The following NSD3 variants were observed in gnomAD, a reference collection of about 807,000 sequenced individuals.
NSD3 encodes histone-lysine N-methyltransferase NSD3.
NSD3 carries 24 observed loss-of-function variants against 160.8 expected under a neutral mutation model. That is an observed-to-expected ratio of 0.15 (90% CI 0.11 to 0.21). The LOEUF is 0.21. Among genes scored for constraint, NSD3 ranks in the 10% least tolerant of loss-of-function variants. NSD3 has a pLI of 1.00. For synonymous variants in NSD3, 520 were observed against 600.0 expected (o/e 0.87, Z 1.95); for missense variants, 1,157 against 1,735.9 (o/e 0.67, Z 5.93).
In NSD3 at chr8:38,274,717, A is replaced by C. The variant is rs894853303; in HGVS notation, c.*924T>G. The stretch of plus-strand genomic sequence containing the variant: ...AATTAAGACCAGGGTCTACAATAAA[A>C]TTGGACAGAAAATGGTGCTTATATG... On this transcript the variant is annotated 3_prime_UTR_variant, in exon 24 of 24. Coordinates refer to ENST00000317025, the MANE Select transcript of NSD3 (RefSeq NM_023034.2). 1 of 154,216 alleles carries C rather than the reference A, an allele frequency of 6.5e-6. No individual in the cohort carries two copies. The highest frequency in any genetic ancestry group is 2.4e-5 in the African/African-American group (1 of 41,516). The allele number at this position is 154,216 out of a possible 1,614,324, so 9.6% of individuals were successfully genotyped here.
rs1189386262 is a variant in NSD3, at chr8:38,312,896, T to G, written c.2242+1751A>C. Among the ~76,000 whole-genome samples, 5 of 152,166 alleles carry G rather than the reference T, an allele frequency of 3.3e-5. No homozygotes were observed. The East Asian group carries it at 9.6e-4, about 29-fold the overall frequency. ...TGCAAGAAGTCCCTAATACAATACTTGAATGCTTAAAGGGGCCAGGCAGCA... is the reference window on the plus strand; with the variant it reads ...TGCAAGAAGTCCCTAATACAATACTGGAATGCTTAAAGGGGCCAGGCAGCA... On this transcript the variant is annotated intron_variant, in intron 12 of 23. Coordinates refer to ENST00000317025, the MANE Select transcript of NSD3 (RefSeq NM_023034.2).
intron 12 of NSD3, among the ~76,000 whole-genome samples, chr8:38,309,425 G>A (rs533987891): frequency 2.0e-5 from 3 of 152,232 alleles, no homozygotes; most frequent in Admixed American, 6.5e-5. Flanking sequence ...CTGAGATTGC[G>A]CCACTGCACT....
Position 38,299,485 on chromosome 8 carries a change from A to G in NSD3, c.2717T>C (p.Met906Thr), listed in dbSNP as rs751679915. ...TTTGGAAGCTGACGAAGAAGGAATCATAGGTAATTTCATCAACTCAGCACG... is the reference window on the plus strand; with the variant it reads ...TTTGGAAGCTGACGAAGAAGGAATCGTAGGTAATTTCATCAACTCAGCACG... The part of the protein sequence containing the change: ...SNRAELMKLP[M>T]IPSSSASKKK... Residue 906 changes from methionine to threonine, a missense_variant, in exon 15 of 24, where the codon ATG becomes ACG. Met to Thr is a moderately conservative substitution (Grantham distance 81). Coordinates refer to ENST00000317025, the MANE Select transcript of NSD3 (RefSeq NM_023034.2). The G allele has an allele frequency of 1.2e-6, 2 of 1,613,842 alleles. No individual in the cohort carries two copies. Among genetic ancestry groups the G allele is most frequent in the Non-Finnish European group, 8.5e-7 (1 of 1,179,874 alleles).
intron 12 of NSD3, among the ~76,000 whole-genome samples, chr8:38,306,258 GGA>G (rs1809390561): frequency 1.3e-5 from 2 of 152,038 alleles, no homozygotes; most frequent in South Asian, 4.2e-4. Context: ...GATAGTAAAA[GGA>G]TATCACTATA....
chr8:38,363,394 A>G (rs1811032464), intron 1 of NSD3, among the ~76,000 whole-genome samples: 1 of 152,174 alleles, frequency 6.6e-6, no homozygotes, highest in East Asian at 1.9e-4. Flanking sequence ...CTGTAATCCC[A>G]GCACTTTGGG....
chr8:38,332,489 A>C (rs1385318347), intron 4 of NSD3, among the ~76,000 whole-genome samples: 1 of 152,162 alleles, frequency 6.6e-6, no homozygotes, highest in Non-Finnish European at 1.5e-5. Context: ...CACGTAAACA[A>C]AAGCCTTTTT....
rs544176014 is a variant in NSD3, at chr8:38,313,132, T to C, written c.2242+1515A>G. On this transcript the variant is annotated intron_variant, in intron 12 of 23. Transcript: ENST00000317025. ...GTCTAAATGTGATGAATAAAATATT[T>C]TATAAGGGGAAAATTTTAAGTTATA... 5.3e-5 allele frequency among the ~76,000 whole-genome samples: 8 copies of C among 152,122 alleles called. No homozygotes were observed. The South Asian group carries it at 1.2e-3, about 24-fold the overall frequency.
At chr8:38,308,834 C>T (rs893600482) in intron 12 of NSD3, among the ~76,000 whole-genome samples, 2 of 151,604 alleles carry the variant, frequency 1.3e-5, no homozygotes, top group African/African-American at 4.8e-5. Context: ...ATAAAATAAG[C>T]CTTCATTTAT....
rs1457023429 is a variant in NSD3, at chr8:38,278,421, C to T, written c.3761-9G>A. 3.7e-6 allele frequency: 6 copies of T among 1,604,344 alleles called. No individual in the cohort carries two copies. Among genetic ancestry groups the T allele is most frequent in the Non-Finnish European group, 5.1e-6 (6 of 1,174,398 alleles). The stretch of plus-strand genomic sequence containing the variant: ...AAATGTTAACTCCATCCCTGAAACA[C>T]AGGAGAAATAATTATTCAAACTCGA... On this transcript the variant is annotated splice_polypyrimidine_tract_variant and intron_variant, in intron 21 of 23. Transcript: ENST00000317025.
At chr8:38,345,667 T>C (rs796729812) in intron 2 of NSD3, among the ~76,000 whole-genome samples, 1 of 152,170 alleles carries the variant, frequency 6.6e-6, no homozygotes, top group South Asian at 2.1e-4. Context: ...TCCCGGCACT[T>C]TGAGAGGCCA....
At position 38,315,356 on chromosome 8, in the gene NSD3, C is replaced by A. The variant is rs1328595750; in HGVS notation, c.2115+60G>T. The A allele has an allele frequency of 3.4e-6, 5 of 1,475,784 alleles. No individual in the cohort carries two copies. In the African/African-American group the frequency reaches 5.8e-5, roughly 17 times the overall value. The allele number at this position is 1,475,784 out of a possible 1,614,324, so 91.4% of individuals were successfully genotyped here. ...TTATCCTCTTCAACAGGAGTTAAGT[C>A]TATTACTGGCAGAATATAATAGCAA... On this transcript the variant is annotated intron_variant, in intron 11 of 23. Coordinates refer to ENST00000317025, the MANE Select transcript of NSD3 (RefSeq NM_023034.2).
In NSD3 at chr8:38,316,175, C is replaced by G. The variant is rs1484422948; in HGVS notation, c.1856-133G>C. The G allele has an allele frequency of 9.2e-6, 12 of 1,307,584 alleles. No homozygotes were observed. Among genetic ancestry groups the G allele is most frequent in the Non-Finnish European group, 1.2e-5 (12 of 980,150 alleles). The allele number at this position is 1,307,584 out of a possible 1,614,324, so 81.0% of individuals were successfully genotyped here. A position where few individuals can be genotyped will look rare whatever the true frequency, so the allele number is the denominator to read the frequency against. On this transcript the variant is annotated intron_variant, in intron 9 of 23. Coordinates refer to ENST00000317025, the MANE Select transcript of NSD3 (RefSeq NM_023034.2). This position sits in a 1 kb window ranked among gnomAD's most constrained non-coding sequence, Gnocchi z 4.5. ...AAAAAGCATAGCTCTCTTTGTAACA[C>G]TGAAATAATGAGTCAAAACTTCAGA... is the stretch of plus-strand genomic sequence containing the variant.
At chr8:38,359,778 C>A (rs1414259514) in intron 1 of NSD3, among the ~76,000 whole-genome samples, 1 of 152,120 alleles carries the variant, frequency 6.6e-6, no homozygotes, top group Non-Finnish European at 1.5e-5. Context: ...ATTACAAATG[C>A]AAGTGATTGT....
chr8:38,344,006 A>T (rs1810451681), intron 2 of NSD3, among the ~76,000 whole-genome samples: 1 of 152,250 alleles, frequency 6.6e-6, no homozygotes, highest in African/African-American at 2.4e-5. Flanking sequence ...GGAGGAAGAC[A>T]TGCAGAAACA....
chr8:38,277,684 C>T (rs1329310324), intron 22 of NSD3, among the ~76,000 whole-genome samples: 2 of 152,160 alleles, frequency 1.3e-5, no homozygotes, highest in African/African-American at 4.8e-5. Context: ...CATAATTCGC[C>T]ATTTTAAAGT....
rs765652391 is a variant in NSD3 at position 38,299,462 on chromosome 8, T to C, written c.2740A>G (p.Lys914Glu). 1.9e-6 allele frequency: 3 copies of C among 1,610,696 alleles called. No individual in the cohort carries two copies. Among genetic ancestry groups the C allele is most frequent in the African/African-American group, 2.7e-5 (2 of 74,908 alleles). Residue 914 changes from lysine (K) to glutamate (E), a missense_variant, in exon 15 of 24, where the codon AAA (lysine) becomes GAA (glutamate). By Grantham distance (56) the Lys-to-Glu change is moderately conservative. Coordinates refer to ENST00000317025, the MANE Select transcript of NSD3 (RefSeq NM_023034.2). ...LPMIPSSSAS[K>E]KKCEKGGRLL... is the part of the protein sequence containing the mutation. ...TTATTACCTTTCTCACATTTCTTTTTGGAAGCTGACGAAGAAGGAATCATA... is the reference window on the plus strand; with the variant it reads ...TTATTACCTTTCTCACATTTCTTTTCGGAAGCTGACGAAGAAGGAATCATA...
At chr8:38,336,759 G>A (rs1810226608) in intron 4 of NSD3, among the ~76,000 whole-genome samples, 1 of 152,170 alleles carries the variant, frequency 6.6e-6, no homozygotes, top group South Asian at 2.1e-4. Flanking sequence ...ATAAGCAAAT[G>A]TAGGGTATCA....
At chr8:38,326,518 T>G (rs1436628453) in intron 7 of NSD3, among the ~76,000 whole-genome samples, 3 of 152,288 alleles carry the variant, frequency 2.0e-5, no homozygotes, top group Non-Finnish European at 2.9e-5. Context: ...CCTATTATTT[T>G]AATTCTTGTA....
chr8:38,338,798 C>T (rs921039853), intron 2 of NSD3, among the ~76,000 whole-genome samples, 191 bp from the exon 3 acceptor site: 1 of 152,064 alleles, frequency 6.6e-6, no homozygotes, highest in African/African-American at 2.4e-5. Context: ...ATTCATTTTC[C>T]ACCCCATATC....
Sources: gnomAD v4.1 joint callset for allele counts (sites outside exome capture counted in the v4.1 genomes callset) on GRCh38, gnomAD v4.1.1 for gene constraint, Gnocchi (gnomAD v3.1) non-coding constraint, MANE v1.5 for transcripts, NCBI Gene and HGNC (gene_info 2026-07-23, HGNC 2026-07-21) for gene names.